The following COL8A1 variants were observed in gnomAD, a reference collection of about 807,000 sequenced individuals.
The protein encoded by COL8A1 is collagen alpha-1(VIII) chain.
Under a neutral mutation model 42.7 loss-of-function variants are expected in COL8A1, and 21 were observed. That is an observed-to-expected ratio of 0.49 (90% confidence interval 0.35 to 0.71). The LOEUF (loss-of-function observed/expected upper bound fraction) is 0.71, where lower values mean the gene tolerates loss of function less well. Among genes scored for constraint, COL8A1 ranks in the 30% least tolerant of loss-of-function variants. The pLI is 0.01. For synonymous variants in COL8A1, 367 were observed against 369.1 expected (o/e 0.99, Z 0.06); for missense variants, 788 against 962.4 (o/e 0.82, Z 2.40).
intron 2 of COL8A1, among the ~76,000 whole-genome samples, chr3:99,759,122 A>T (rs1354492411): frequency 1.1e-5 from 1 of 87,142 alleles, no homozygotes; most frequent in Middle Eastern, 6.3e-3. Flanking sequence ...TTTTTTTTTA[A>T]GCAGTTACCT....
rs919972506 is a variant in COL8A1, at chr3:99,730,848, T to G, written c.-128-14049T>G. 5.9e-5 allele frequency among the ~76,000 whole-genome samples: 9 copies of G among 152,166 alleles called. 1 individual carries two copies. The highest frequency in any genetic ancestry group is 5.9e-4 in the Admixed American group (9 of 15,256). On this transcript the variant is annotated intron_variant, in intron 1 of 3. Coordinates refer to ENST00000652472, the MANE Select transcript of COL8A1 (RefSeq NM_020351.4). The stretch of plus-strand genomic sequence containing the variant: ...TTTTTGTTTGTGGCCTTTTCTTTTT[T>G]CAAAATTGAAGCTATGTACTTAACT...
At chr3:99,674,131 T>C (rs1339783945) in intron 1 of COL8A1, among the ~76,000 whole-genome samples, 2 of 152,062 alleles carry the variant, frequency 1.3e-5, no homozygotes, top group Non-Finnish European at 2.9e-5. Context: ...GAATGGGTGC[T>C]TTGAAAATTA....
At chr3:99,744,797 T>A (rs1490058367) in intron 1 of COL8A1, 100 bp from the exon 2 acceptor site, 6 of 151,384 alleles carry the variant, frequency 4.0e-5, no homozygotes, top group Non-Finnish European at 8.8e-5. Context: ...TATGTATTTA[T>A]ACATTCCTAT....
At chr3:99,698,264 C>A (rs1182068473) in intron 1 of COL8A1, among the ~76,000 whole-genome samples, 1 of 152,128 alleles carries the variant, frequency 6.6e-6, no homozygotes, top group African/African-American at 2.4e-5. Flanking sequence ...GTGAATGGTG[C>A]CACAATAAAC....
chr3:99,773,317 C>T (rs1417954639), intron 2 of COL8A1, among the ~76,000 whole-genome samples: 2 of 152,156 alleles, frequency 1.3e-5, no homozygotes, highest in African/African-American at 2.4e-5. Flanking sequence ...CTGGCTTCCA[C>T]GTCATAGTGA....
At chr3:99,648,307 T>A (rs974837845) in intron 1 of COL8A1, among the ~76,000 whole-genome samples, 3 of 152,152 alleles carry the variant, frequency 2.0e-5, no homozygotes, top group Non-Finnish European at 4.4e-5. Flanking sequence ...CATGATGTCT[T>A]GTCCTATCAT....
intron 1 of COL8A1, among the ~76,000 whole-genome samples, chr3:99,658,208 TG>T (rs1553719366): frequency 2.0e-5 from 3 of 152,020 alleles, no homozygotes; most frequent in Non-Finnish European, 4.4e-5. Flanking sequence ...CTTCATCATC[TG>T]GGCCTGCCCG....
At chr3:99,676,174 T>C (rs1293814082) in intron 1 of COL8A1, among the ~76,000 whole-genome samples, 1 of 152,080 alleles carries the variant, frequency 6.6e-6, no homozygotes, top group East Asian at 1.9e-4. Flanking sequence ...TTTAAAAAAC[T>C]AAATCATTTT....
intron 2 of COL8A1, among the ~76,000 whole-genome samples, chr3:99,749,259 A>G (rs895968239): frequency 6.6e-6 from 1 of 151,182 alleles, no homozygotes; most frequent in Middle Eastern, 3.2e-3. Context: ...TAAGAGTTAC[A>G]CCAAGGTTCT....
chr3:99,734,869 C>T (rs1362842049), intron 1 of COL8A1, among the ~76,000 whole-genome samples: 1 of 152,042 alleles, frequency 6.6e-6, no homozygotes, highest in Non-Finnish European at 1.5e-5. Context: ...CCTTCACATC[C>T]CTTGTAAGTT....
chr3:99,660,632 T>G (rs1469826396), intron 1 of COL8A1, among the ~76,000 whole-genome samples: 1 of 152,212 alleles, frequency 6.6e-6, no homozygotes, highest in Admixed American at 6.5e-5. Flanking sequence ...AGCTATGAAT[T>G]GGGGTGGACT....
chr3:99,749,207 A>G (rs1941091362), intron 2 of COL8A1, among the ~76,000 whole-genome samples: 1 of 152,178 alleles, frequency 6.6e-6, no homozygotes, highest in Non-Finnish European at 1.5e-5. Flanking sequence ...ACTAAAAACT[A>G]GCATCTATTT....
intron 1 of COL8A1, among the ~76,000 whole-genome samples, chr3:99,656,924 C>T (rs564879225): frequency 6.6e-6 from 1 of 152,288 alleles, no homozygotes; most frequent in South Asian, 2.1e-4. Context: ...CCATTGAAGC[C>T]CTTTTGTGTT....
At position 99,777,784 on chromosome 3, in the gene COL8A1, C is replaced by G. The variant is rs559359890; in HGVS notation, c.-3-12896C>G. Among the ~76,000 whole-genome samples, 6 of 152,098 alleles carry G rather than the reference C, an allele frequency of 3.9e-5. No individual in the cohort carries two copies. In the East Asian group the frequency reaches 1.2e-3, roughly 29 times the overall value. On this transcript the variant is annotated intron_variant, in intron 2 of 3. Transcript: ENST00000652472. Reference sequence around the variant, plus strand: ...TAAGAACCAAGCTGCCCCAATTCTCCCTTTATTTTTAAACAGAACCATCAA... The same window carrying G: ...TAAGAACCAAGCTGCCCCAATTCTCGCTTTATTTTTAAACAGAACCATCAA...
At chr3:99,759,026 A>C (rs1941313918) in intron 2 of COL8A1, among the ~76,000 whole-genome samples, 1 of 149,556 alleles carries the variant, frequency 6.7e-6, no homozygotes, top group African/African-American at 2.5e-5. Flanking sequence ...TTCAGCTGCC[A>C]CCTCCTCAGG....
chr3:99,781,296 G>T (rs1387575346), intron 2 of COL8A1, among the ~76,000 whole-genome samples: 1 of 152,132 alleles, frequency 6.6e-6, no homozygotes, highest in Admixed American at 6.5e-5. Flanking sequence ...TGGTGTCTTT[G>T]TGTGTGGTGG....
At chr3:99,674,952 G>A (rs930492388) in intron 1 of COL8A1, among the ~76,000 whole-genome samples, 3 of 152,028 alleles carry the variant, frequency 2.0e-5, no homozygotes, top group African/African-American at 4.8e-5. Context: ...TAAGCTTTGG[G>A]TGCTCAGTTT....
At chr3:99,761,637 A>C (rs1276684168) in intron 2 of COL8A1, among the ~76,000 whole-genome samples, 1 of 152,190 alleles carries the variant, frequency 6.6e-6, no homozygotes, top group East Asian at 1.9e-4. Context: ...GCCAAGCAGG[A>C]GCAGCCTGTG....
intron 2 of COL8A1, among the ~76,000 whole-genome samples, chr3:99,745,619 C>G (rs1333640781): frequency 1.3e-5 from 2 of 151,884 alleles, no homozygotes; most frequent in South Asian, 4.2e-4. Flanking sequence ...TTTCAGACGA[C>G]TGAAGTGATA....
Sources: gnomAD v4.1 joint callset for allele counts (sites outside exome capture counted in the v4.1 genomes callset) on GRCh38, gnomAD v4.1.1 for gene constraint, MANE v1.5 for transcripts, NCBI Gene and HGNC (gene_info 2026-07-23, HGNC 2026-07-21) for gene names.